The following ITSN1 variants were observed in gnomAD, a reference collection of about 807,000 sequenced individuals.
ITSN1 encodes intersectin 1, also known as intersectin-1.
A neutral mutation model predicts 239.8 loss-of-function variants in ITSN1; 58 were observed. The ratio of observed to expected loss-of-function variants is 0.24; its 90% CI spans 0.20 to 0.30. ITSN1 has a LOEUF of 0.30. ITSN1 is among the 10% of genes least tolerant of loss of function. The probability of loss-of-function intolerance (pLI) is 1.00; values close to 1 mark genes in which losing one functional copy is unlikely to be tolerated. For synonymous variants in ITSN1, 780 were observed against 770.8 expected (o/e 1.01, Z -0.20); for missense variants, 1,558 against 2,103.3 (o/e 0.74, Z 5.07).
At chr21:33,683,600 C>A (rs1301217605) in intron 1 of ITSN1, among the ~76,000 whole-genome samples, 1 of 152,068 alleles carries the variant, frequency 6.6e-6, no homozygotes, top group African/African-American at 2.4e-5. Context: ...ATTTTTTGTT[C>A]TCGGTAGAGA....
At position 33,761,950 on chromosome 21, in the gene ITSN1, A is replaced by G. The variant is rs1199209058; in HGVS notation, c.752A>G (p.Gln251Arg). Residue 251 changes from glutamine to arginine, a missense_variant, in exon 9 of 40, where the codon CAG becomes CGG. Gln to Arg is a conservative substitution (Grantham distance 43, BLOSUM62 1). Transcript: ENST00000381318. ...CCCCAAGCAAGAACTATTCTTATGC[A>G]GTCAAGTTTACCACAGGCTCAGCTG... ...TGPQARTILM[Q>R]SSLPQAQLAS... is the part of the protein sequence containing the mutation. 2 of 1,613,756 alleles carry G rather than the reference A, an allele frequency of 1.2e-6. No homozygotes were observed. The highest frequency in any genetic ancestry group is 1.7e-5 in the Admixed American group (1 of 60,004).
At chr21:33,771,486 A>G (rs1437194872) in intron 11 of ITSN1, among the ~76,000 whole-genome samples, 6 of 152,240 alleles carry the variant, frequency 3.9e-5, no homozygotes, top group Admixed American at 3.9e-4. Flanking sequence ...ATTAGAAAAA[A>G]AAGGATAGAA....
chr21:33,848,937 C>T (rs575367418), intron 29 of ITSN1, among the ~76,000 whole-genome samples: 7 of 152,360 alleles, frequency 4.6e-5, no homozygotes, highest in African/African-American at 1.7e-4. Context: ...CAACAGGCCC[C>T]CTTGAATTAG....
chr21:33,858,888 C>A (rs771904971), intron 31 of ITSN1, 96 bp downstream of exon 31: 1 of 629,878 alleles, frequency 1.6e-6, no homozygotes, highest in Non-Finnish European at 2.8e-6. Flanking sequence ...GCATGCTGCC[C>A]TGTGCTTCTT....
At position 33,806,284 on chromosome 21, in the gene ITSN1, T is replaced by C. The variant is rs76783834; in HGVS notation, c.2319+3840T>C. On this transcript the variant is annotated intron_variant, in intron 20 of 39. Coordinates refer to ENST00000381318, the MANE Select transcript of ITSN1 (RefSeq NM_003024.3). ...TTATATTTCAAAACCGGCAAATCCA[T>C]GGAAAATGTTTTACTACCTGCACTC... Among the ~76,000 whole-genome samples the C allele has an allele frequency of 7.0e-3, 1,062 of 152,246 alleles. 16 individuals are homozygous for C. Among genetic ancestry groups the C allele is most frequent in the African/African-American group, 0.023 (976 of 41,540 alleles).
intron 22 of ITSN1, among the ~76,000 whole-genome samples, chr21:33,816,257 G>A (rs763980015): frequency 6.6e-6 from 1 of 151,844 alleles, no homozygotes; most frequent in Non-Finnish European, 1.5e-5. Flanking sequence ...ATTGCACATT[G>A]CCTCAGCTTT....
At chr21:33,777,121 A>G (rs2069699650) in intron 14 of ITSN1, among the ~76,000 whole-genome samples, 1 of 152,318 alleles carries the variant, frequency 6.6e-6, no homozygotes, top group Non-Finnish European at 1.5e-5. Context: ...GTTTAGGTCT[A>G]TGAGCTATTT....
At chr21:33,791,477 T>C (rs1470375751) in intron 16 of ITSN1, among the ~76,000 whole-genome samples, 1 of 152,278 alleles carries the variant, frequency 6.6e-6, no homozygotes. Context: ...TTTAAGTATC[T>C]TTTTTCATGT....
At chr21:33,804,260 A>G (rs1010228998) in intron 20 of ITSN1, among the ~76,000 whole-genome samples, 2 of 152,226 alleles carry the variant, frequency 1.3e-5, no homozygotes, top group East Asian at 1.9e-4. Context: ...AGCCTTAAAA[A>G]TATTTTGTTT....
chr21:33,782,465 T>G (rs2070275898), intron 16 of ITSN1, among the ~76,000 whole-genome samples: 1 of 152,244 alleles, frequency 6.6e-6, no homozygotes, highest in Non-Finnish European at 1.5e-5. Flanking sequence ...TTGTTTTCTT[T>G]TTTAAAACTA....
chr21:33,857,447 G>A (rs960613312), intron 30 of ITSN1, among the ~76,000 whole-genome samples: 7 of 152,186 alleles, frequency 4.6e-5, no homozygotes, highest in South Asian at 2.1e-4. Context: ...GGAGCCCGGC[G>A]CTCCTGCTGC....
intron 1 of ITSN1, among the ~76,000 whole-genome samples, chr21:33,708,762 C>T (rs2092326831): frequency 6.6e-6 from 1 of 152,176 alleles, no homozygotes; most frequent in African/African-American, 2.4e-5. Flanking sequence ...GATATTCTCC[C>T]ATCTTTTAAG....
At chr21:33,699,526 G>A (rs1458125777) in intron 1 of ITSN1, among the ~76,000 whole-genome samples, 1 of 152,032 alleles carries the variant, frequency 6.6e-6, no homozygotes, top group Non-Finnish European at 1.5e-5. Flanking sequence ...TCAGGACCAG[G>A]CTGGGCAACA....
intron 4 of ITSN1, among the ~76,000 whole-genome samples, chr21:33,729,187 A>T (rs962053587): frequency 4.6e-5 from 7 of 152,206 alleles, no homozygotes; most frequent in African/African-American, 1.7e-4. Context: ...GCAGTGGCTC[A>T]TGCCTGTAAT....
At chr21:33,832,925 A>G (rs752439757) in intron 27 of ITSN1, among the ~76,000 whole-genome samples, 5 of 152,182 alleles carry the variant, frequency 3.3e-5, no homozygotes, top group Non-Finnish European at 5.9e-5. Context: ...TTAAAATTCA[A>G]AAGTTACAAG....
At chr21:33,875,034 G>C (rs1276347074) in intron 33 of ITSN1, among the ~76,000 whole-genome samples, 1 of 152,204 alleles carries the variant, frequency 6.6e-6, no homozygotes, top group East Asian at 1.9e-4. Flanking sequence ...GTGTGGCTTG[G>C]GGTCCACCCT....
At chr21:33,785,499 T>G (rs2070587994) in intron 16 of ITSN1, among the ~76,000 whole-genome samples, 1 of 152,210 alleles carries the variant, frequency 6.6e-6, no homozygotes, top group Admixed American at 6.5e-5. Context: ...TAGTTCTTTC[T>G]CTAGAATGTC....
chr21:33,735,867 G>A (rs1194587776), intron 5 of ITSN1, among the ~76,000 whole-genome samples: 1 of 151,966 alleles, frequency 6.6e-6, no homozygotes, highest in Non-Finnish European at 1.5e-5. Flanking sequence ...AGCCAGGTGT[G>A]GTGGTGCGCA....
At chr21:33,859,879 C>A (rs562350483) in intron 31 of ITSN1, among the ~76,000 whole-genome samples, 1 of 152,294 alleles carries the variant, frequency 6.6e-6, no homozygotes, top group South Asian at 2.1e-4. Flanking sequence ...TGCCCGCGCC[C>A]CCTGCCACCC....
Sources: gnomAD v4.1 joint callset for allele counts (sites outside exome capture counted in the v4.1 genomes callset) on GRCh38, gnomAD v4.1.1 for gene constraint, MANE v1.5 for transcripts, NCBI Gene and HGNC (gene_info 2026-07-23, HGNC 2026-07-21) for gene names.